Variants in DPP6 observed in about 807,000 individuals in gnomAD.
DPP6 encodes the protein dipeptidyl peptidase like 6, also known as A-type potassium channel modulatory protein DPP6.
In DPP6, 69 loss-of-function variants were observed where a neutral mutation model predicts 122.6. The ratio of observed to expected loss-of-function variants is 0.56; its 90% CI spans 0.46 to 0.69. The LOEUF (loss-of-function observed/expected upper bound fraction) is 0.69. DPP6 is among the 30% of genes least tolerant of loss of function. DPP6 has a pLI of 0.00. For missense variants in DPP6, 928 were observed against 1,116.9 expected (o/e 0.83, Z 2.41); for synonymous variants, 418 against 433.1 (o/e 0.97, Z 0.43).
chr7:154,080,195 T>G (rs1803888230), intron 1 of DPP6, among the ~76,000 whole-genome samples: 1 of 152,162 alleles, frequency 6.6e-6, no homozygotes, highest in African/African-American at 2.4e-5. Context: ...GTGAATACTC[T>G]GATCCTACCT....
chr7:154,544,676 C>T (rs1032746490), intron 4 of DPP6, among the ~76,000 whole-genome samples: 1 of 152,182 alleles, frequency 6.6e-6, no homozygotes, highest in Non-Finnish European at 1.5e-5. Context: ...AACAACAGGA[C>T]CCCAGCCGGT....
At chr7:154,064,505 G>A (rs1177375694) in intron 1 of DPP6, among the ~76,000 whole-genome samples, 1 of 152,106 alleles carries the variant, frequency 6.6e-6, no homozygotes, top group Non-Finnish European at 1.5e-5. Context: ...GGCTCAAATT[G>A]TATAGCAAAC....
intron 10 of DPP6, among the ~76,000 whole-genome samples, chr7:154,776,736 C>T (rs1246155712): frequency 1.3e-5 from 2 of 152,166 alleles, no homozygotes; most frequent in Non-Finnish European, 2.9e-5. Context: ...TTCTAAGAAC[C>T]AAAACTTACT....
At chr7:154,814,425 T>C (rs1442843085) in intron 16 of DPP6, among the ~76,000 whole-genome samples, 2 of 152,094 alleles carry the variant, frequency 1.3e-5, no homozygotes, top group African/African-American at 2.4e-5. Flanking sequence ...TCAGAGAACA[T>C]GAAAGTGGCT....
intron 17 of DPP6, 26 bp from the exon 18 acceptor site, chr7:154,867,969 G>A (rs1398537627): frequency 5.7e-6 from 9 of 1,568,388 alleles, no homozygotes; most frequent in African/African-American, 2.7e-5. Context: ...CTGCATCTCA[G>A]TGTGTCCCTG....
At chr7:154,882,338 C>T (rs2150674759) in intron 21 of DPP6, among the ~76,000 whole-genome samples, 1 of 152,352 alleles carries the variant, frequency 6.6e-6, no homozygotes, top group South Asian at 2.1e-4. Flanking sequence ...GGGATCTTTC[C>T]TTTGCCATTC....
At chr7:153,796,051 G>A in the DPP6 span, among the ~76,000 whole-genome samples, 1 of 138,712 alleles carries the variant, frequency 7.2e-6, no homozygotes, top group South Asian at 2.7e-4. Flanking sequence ...CTACTGTGGC[G>A]AGTGATCCAT....
At chr7:154,460,231 C>T (rs1821177143) in intron 2 of DPP6, among the ~76,000 whole-genome samples, 1 of 152,146 alleles carries the variant, frequency 6.6e-6, no homozygotes, top group African/African-American at 2.4e-5. Flanking sequence ...ATCCACCCGC[C>T]TTGGCCTCCC....
intron 4 of DPP6, among the ~76,000 whole-genome samples, chr7:154,549,145 G>C (rs1325967022): frequency 6.6e-6 from 1 of 152,148 alleles, no homozygotes; most frequent in East Asian, 1.9e-4. Flanking sequence ...TACTGAAGCA[G>C]AAATGATGTA....
intron 1 of DPP6, among the ~76,000 whole-genome samples, chr7:154,280,330 C>T (rs974741801): frequency 1.3e-5 from 2 of 152,162 alleles, no homozygotes; most frequent in Non-Finnish European, 2.9e-5. Flanking sequence ...AGAAACTCCT[C>T]TCTTAGAATA....
At chr7:153,925,042 C>T (rs1672740000) in intron 1 of DPP6, among the ~76,000 whole-genome samples, 1 of 152,142 alleles carries the variant, frequency 6.6e-6, no homozygotes, top group African/African-American at 2.4e-5. Flanking sequence ...AGGTCAGAAG[C>T]CTGCTGATCG....
chr7:153,911,135 A>G (rs1412096393), intron 1 of DPP6, among the ~76,000 whole-genome samples: 2 of 152,190 alleles, frequency 1.3e-5, no homozygotes, highest in African/African-American at 4.8e-5. Context: ...CCTGACCCCT[A>G]GCCTTGCTGG....
chr7:154,734,533 A>T (rs1311736443), intron 8 of DPP6, among the ~76,000 whole-genome samples: 1 of 152,208 alleles, frequency 6.6e-6, no homozygotes, highest in East Asian at 1.9e-4. Flanking sequence ...TACAATGGGA[A>T]TTGGAATGAT....
intron 1 of DPP6, among the ~76,000 whole-genome samples, chr7:154,263,129 A>C (rs958899926): frequency 6.6e-6 from 1 of 152,224 alleles, no homozygotes; most frequent in Non-Finnish European, 1.5e-5. Flanking sequence ...TAACCAACAG[A>C]AAGTCTAGAG....
intron 1 of DPP6, among the ~76,000 whole-genome samples, chr7:154,363,055 C>T (rs898526247): frequency 2.0e-5 from 3 of 152,166 alleles, no homozygotes; most frequent in African/African-American, 4.8e-5. Flanking sequence ...CCTTCCTCCT[C>T]CCCTCCACCC....
At chr7:154,723,388 C>T (rs1000638488) in intron 7 of DPP6, among the ~76,000 whole-genome samples, 2 of 151,786 alleles carry the variant, frequency 1.3e-5, no homozygotes, top group African/African-American at 2.4e-5. Context: ...TCATAGCAAA[C>T]TTTACTAACT....
At chr7:154,665,780 A>C (rs1838111789) in intron 6 of DPP6, among the ~76,000 whole-genome samples, 3 of 151,688 alleles carry the variant, frequency 2.0e-5, no homozygotes, top group Admixed American at 1.3e-4. Context: ...GAGATTAAAA[A>C]CCATGAGTTT....
chr7:154,870,553 C>T (rs1804298185), intron 18 of DPP6, among the ~76,000 whole-genome samples: 1 of 152,156 alleles, frequency 6.6e-6, no homozygotes, highest in Admixed American at 6.5e-5. Context: ...TTGCAGTGAG[C>T]CAAGATCGCA....
intron 1 of DPP6, among the ~76,000 whole-genome samples, chr7:154,325,354 C>T (rs1056355321): frequency 6.6e-6 from 1 of 152,182 alleles, no homozygotes; most frequent in African/African-American, 2.4e-5. Context: ...TAGAAGTTTT[C>T]TGGGAACCCC....
Sources: gnomAD v4.1 joint callset for allele counts (sites outside exome capture counted in the v4.1 genomes callset) on GRCh38, gnomAD v4.1.1 for gene constraint, MANE v1.5 for transcripts, NCBI Gene and HGNC (gene_info 2026-07-23, HGNC 2026-07-21) for gene names.